The following UGT3A1 variants were observed in gnomAD, a reference collection of about 807,000 sequenced individuals.
UGT3A1 encodes the protein UDP glycosyltransferase family 3 member A1.
A neutral mutation model predicts 37.6 loss-of-function variants in UGT3A1; 40 were observed. The observed-to-expected ratio is 1.06, with a 90% CI of 0.83 to 1.38. The LOEUF (loss-of-function observed/expected upper bound fraction) is 1.38, where lower values mean the gene tolerates loss of function less well. UGT3A1 is among the 40% of genes most tolerant of loss of function. The pLI is 0.00. For synonymous variants in UGT3A1, 256 were observed against 232.3 expected, an observed-to-expected ratio of 1.10 and a Z score of -0.93; for missense variants, 642 against 634.2, an observed-to-expected ratio of 1.01 and a Z score of -0.13.
chr5:35,986,240 G>A (rs970497691), intron 2 of UGT3A1, among the ~76,000 whole-genome samples: 1 of 152,038 alleles, frequency 6.6e-6, no homozygotes, highest in African/African-American at 2.4e-5. Flanking sequence ...AATTAGTACA[G>A]CTGCTATGGA....
chr5:35,955,268 G>T, intron 6 of UGT3A1: 1 of 373,000 alleles, frequency 2.7e-6, no homozygotes, highest in Non-Finnish European at 4.8e-6. Context: ...GAAGGGAAGG[G>T]TGTTCTAGGG....
intron 6 of UGT3A1, chr5:35,954,685 G>T (rs974232555): frequency 1.7e-6 from 1 of 591,746 alleles, no homozygotes; most frequent in Non-Finnish European, 3.0e-6. Flanking sequence ...CACATACAAA[G>T]ACCAATGATT....
chr5:35,974,140 T>C (rs878907535), intron 2 of UGT3A1, among the ~76,000 whole-genome samples: 1 of 152,166 alleles, frequency 6.6e-6, no homozygotes, highest in Admixed American at 6.5e-5. Flanking sequence ...ACTGTTAATC[T>C]TTCTCCAGCT....
chr5:35,974,135 T>A (rs544103258), intron 2 of UGT3A1, among the ~76,000 whole-genome samples: 25 of 152,186 alleles, frequency 1.6e-4, no homozygotes, highest in Non-Finnish European at 2.8e-4. Context: ...TATATACTGT[T>A]AATCTTTCTC....
In UGT3A1 at chr5:35,951,510, A is replaced by T. The variant is rs1739200436; in HGVS notation, c.*2692T>A. On this transcript the variant is annotated 3_prime_UTR_variant, in exon 7 of 7. Coordinates refer to ENST00000274278, the MANE Select transcript of UGT3A1 (RefSeq NM_152404.4). ...AGCTTATTCTGCTTTTGTTTATTGT[A>T]GTTTAAAGCTGAATATTATTTCAGT... 6.6e-6 allele frequency: 1 copy of T among 152,180 alleles called. No homozygotes were observed. Among genetic ancestry groups the T allele is most frequent in the Non-Finnish European group, 1.5e-5 (1 of 68,022 alleles). 9.4% of individuals were successfully genotyped at this position (152,180 alleles called of 1,614,324 possible).
At position 35,965,869 on chromosome 5, in the gene UGT3A1, T is replaced by C. The variant is rs144943338; in HGVS notation, c.360A>G (p.Gln120=). The change falls in exon 4 of 7, where the codon CAA becomes CAG. Residue 120 remains glutamine, a synonymous_variant. Transcript: ENST00000274278. ...CCTTTCTGCTTAGCAAATAACTACATTGAGTCCCAAATATTTCCATTAGCT... is the reference window on the plus strand; with the variant it reads ...CCTTTCTGCTTAGCAAATAACTACACTGAGTCCCAAATATTTCCATTAGCT... ...LVKLMEIFGT[Q]CSYLLSRKDI... is the part of the protein sequence containing the mutation. The C allele has an allele frequency of 1.0e-5, 16 of 1,598,252 alleles. No homozygotes were observed. Among genetic ancestry groups the C allele is most frequent in the African/African-American group, 5.4e-5 (4 of 74,252 alleles).
intron 2 of UGT3A1, among the ~76,000 whole-genome samples, chr5:35,982,708 T>C (rs577016776): frequency 6.6e-6 from 1 of 152,294 alleles, no homozygotes; most frequent in South Asian, 2.1e-4. Flanking sequence ...ACTGTTGAAA[T>C]GGCACGGTTT....
intron 2 of UGT3A1, among the ~76,000 whole-genome samples, chr5:35,972,358 T>C (rs1276223484): frequency 6.6e-6 from 1 of 152,022 alleles, no homozygotes; most frequent in Non-Finnish European, 1.5e-5. Flanking sequence ...ACTCTGAGGT[T>C]TCCCAGAGGA....
intron 4 of UGT3A1, 55 bp downstream of exon 4, chr5:35,965,331 T>A: frequency 1.9e-6 from 3 of 1,566,312 alleles, no homozygotes; most frequent in South Asian, 1.2e-5. Context: ...AGCCACCAAC[T>A]ATGCACCCAA....
intron 2 of UGT3A1, among the ~76,000 whole-genome samples, chr5:35,978,680 C>A (rs143569768): frequency 1.3e-5 from 2 of 152,122 alleles, no homozygotes; most frequent in Non-Finnish European, 2.9e-5. Context: ...CAACCCATAT[C>A]ATTCTGCCAC....
rs1739214710 is a variant in UGT3A1 at position 35,952,376 on chromosome 5, T to C, written c.*1826A>G. ...CAATGGGAACAAAGATTTTAAACAG[T>C]GAGGGATAACACCAGATTTCTAGGT... On this transcript the variant is annotated 3_prime_UTR_variant, in exon 7 of 7. Transcript: ENST00000274278. The C allele has an allele frequency of 6.6e-6, 1 of 152,100 alleles. No individual in the cohort carries two copies. The highest frequency in any genetic ancestry group is 1.5e-5 in the Non-Finnish European group (1 of 68,040). 9.4% of individuals were successfully genotyped at this position (152,100 alleles called of 1,614,324 possible).
chr5:35,972,077 G>A (rs528619841), intron 2 of UGT3A1, among the ~76,000 whole-genome samples: 51 of 145,930 alleles, frequency 3.5e-4, no homozygotes, highest in Non-Finnish European at 5.9e-4. Context: ...CAGAGCTGTC[G>A]TTCAAAGATT....
chr5:35,988,299 C>T (rs897991152), intron 2 of UGT3A1, 151 bp downstream of exon 2: 10 of 556,420 alleles, frequency 1.8e-5, no homozygotes, highest in South Asian at 8.5e-5. Context: ...AATTCCAATA[C>T]TTAACATGAA....
At chr5:35,971,590 C>T (rs1329683895) in intron 2 of UGT3A1, among the ~76,000 whole-genome samples, 1 of 152,036 alleles carries the variant, frequency 6.6e-6, no homozygotes, top group Non-Finnish European at 1.5e-5. Flanking sequence ...AGCCTAGGGT[C>T]TGTGGTATTT....
In UGT3A1 at chr5:35,953,214, G is replaced by T. The variant is rs1739230129; in HGVS notation, c.*988C>A. On this transcript the variant is annotated 3_prime_UTR_variant, in exon 7 of 7. Transcript: ENST00000274278. ...CCAGCTATCAGAGAGGTAGTTTGGT[G>T]TTACACTAAGGAAGATAAAAAAGAA... The T allele has an allele frequency of 6.6e-6, 1 of 152,288 alleles. No homozygotes were observed. Among genetic ancestry groups the T allele is most frequent in the Admixed American group, 6.5e-5 (1 of 15,278 alleles). 9.4% of individuals were successfully genotyped at this position (152,288 alleles called of 1,614,324 possible).
chr5:35,973,403 G>C (rs73076151), intron 2 of UGT3A1, among the ~76,000 whole-genome samples: 2,699 of 152,226 alleles, frequency 0.018, 84 homozygotes, highest in African/African-American at 0.063. Flanking sequence ...TGATTAGATT[G>C]AATTTATTGA....
intron 2 of UGT3A1, among the ~76,000 whole-genome samples, chr5:35,969,556 G>C (rs1287471498): frequency 6.6e-6 from 1 of 152,130 alleles, no homozygotes; most frequent in Non-Finnish European, 1.5e-5. Flanking sequence ...AAAGGGGTGG[G>C]GAGGGGGACG....
At chr5:35,994,057 G>C (rs763750221), upstream of UGT3A1, among the ~76,000 whole-genome samples, 1 of 151,952 alleles carries the variant, frequency 6.6e-6, no homozygotes, top group African/African-American at 2.4e-5. Context: ...CCTTTTTTGT[G>C]GGAGTTTCCA....
At chr5:35,989,896 A>T (rs1740869150) in intron 1 of UGT3A1, among the ~76,000 whole-genome samples, 1 of 152,128 alleles carries the variant, frequency 6.6e-6, no homozygotes, top group African/African-American at 2.4e-5. Context: ...CATCCTGGCT[A>T]ACACGGTTAA....
Sources: allele counts gnomAD v4.1 joint callset (sites outside exome capture counted in the v4.1 genomes callset), GRCh38; gene constraint gnomAD v4.1.1; transcripts MANE v1.5; gene names NCBI Gene and HGNC (gene_info 2026-07-23, HGNC 2026-07-21).